MYLK: variants seen among roughly 807,000 people sequenced by gnomAD.
MYLK encodes the protein myosin light chain kinase, smooth muscle.
In MYLK, 106 loss-of-function variants were observed where a neutral mutation model predicts 203.4. That is an observed-to-expected ratio of 0.52 (90% confidence interval 0.45 to 0.61). The LOEUF (loss-of-function observed/expected upper bound fraction) is 0.61, where lower values mean the gene tolerates loss of function less well. Ranked by LOEUF, MYLK falls within the 20% of genes least tolerant of loss-of-function variation. The probability of loss-of-function intolerance (pLI) is 0.00; values close to 1 mark genes in which losing one functional copy is unlikely to be tolerated. For missense variants in MYLK, 2,072 were observed against 2,442.3 expected (o/e 0.85, Z 3.20); for synonymous variants, 867 against 959.5 (o/e 0.90, Z 1.78).
intron 13 of MYLK, among the ~76,000 whole-genome samples, chr3:123,717,787 T>G (rs1307607712): frequency 6.6e-6 from 1 of 151,906 alleles, no homozygotes; most frequent in Non-Finnish European, 1.5e-5. Context: ...TATTGGGGAA[T>G]TTTTTTTCCC....
chr3:123,819,241 G>A (rs2065842660), intron 3 of MYLK, among the ~76,000 whole-genome samples: 1 of 152,178 alleles, frequency 6.6e-6, no homozygotes, highest in South Asian at 2.1e-4. Context: ...ATAGCAAACA[G>A]CCTTCAAAGA....
chr3:123,620,488 G>T, intron 31 of MYLK, 152 bp from the exon 32 acceptor site: 1 of 1,552,208 alleles, frequency 6.4e-7, no homozygotes, highest in South Asian at 1.2e-5. Context: ...CCAGAGGAGC[G>T]AACCCAACCT....
chr3:123,789,227 C>G (rs577136440), intron 4 of MYLK, among the ~76,000 whole-genome samples: 1 of 152,214 alleles, frequency 6.6e-6, no homozygotes, highest in South Asian at 2.1e-4. Context: ...CTCGCCCCAC[C>G]CTACTTACAT....
At chr3:123,807,095 C>A (rs1388375463) in intron 3 of MYLK, among the ~76,000 whole-genome samples, 1 of 152,156 alleles carries the variant, frequency 6.6e-6, no homozygotes, top group Non-Finnish European at 1.5e-5. Flanking sequence ...AACTTCAAAT[C>A]CAACTTGGCA....
chr3:123,794,025 A>G, intron 3 of MYLK, 181 bp from the exon 4 acceptor site: 2 of 702,812 alleles, frequency 2.8e-6, no homozygotes, highest in South Asian at 1.7e-5. Flanking sequence ...TTATACACAA[A>G]GTGCCAGGAC....
Position 123,734,139 on chromosome 3 carries a change from T to C in MYLK, c.857A>G (p.Asp286Gly), listed in dbSNP as rs2062593840. The change falls in exon 10 of 34, where the codon GAC becomes GGC. Residue 286 changes from aspartate to glycine, a missense_variant. Around this residue, in one of 3 missense-constraint regions of MYLK, gnomAD observed 683 missense variants for 643.8 expected, o/e 1.06. Coordinates refer to ENST00000360304, the MANE Select transcript of MYLK (RefSeq NM_053025.4). ...GCTTTTGGCTGCAGCCTCCAGACTG[T>C]CCAGCTTCGACTCCTTTGAGATTAC... ...TNVISKESKL[D>G]SLEAAAKSKN... The C allele has an allele frequency of 6.3e-7, 1 of 1,580,914 alleles. No homozygotes were observed.
intron 24 of MYLK, among the ~76,000 whole-genome samples, chr3:123,650,993 G>A (rs2108217724): frequency 6.6e-6 from 1 of 152,346 alleles, no homozygotes; most frequent in African/African-American, 2.4e-5. Context: ...TAGCTGTTGA[G>A]AGCGCCCTGG....
intron 2 of MYLK, among the ~76,000 whole-genome samples, chr3:123,849,708 CTT>C (rs113330046): frequency 1.2e-4 from 19 of 152,118 alleles, no homozygotes; most frequent in African/African-American, 4.6e-4. Flanking sequence ...CTTGCAGTAA[CTT>C]AAGAGATTTT....
At chr3:123,702,543 G>A (rs2061285097) in intron 16 of MYLK, among the ~76,000 whole-genome samples, 3 of 152,294 alleles carry the variant, frequency 2.0e-5, no homozygotes, top group Admixed American at 2.0e-4. Flanking sequence ...CATGCCCCTG[G>A]ATGTGGCCGT....
intron 33 of MYLK, 105 bp downstream of exon 33, chr3:123,618,534 G>A: frequency 6.6e-7 from 1 of 1,515,542 alleles, no homozygotes; most frequent in Non-Finnish European, 9.1e-7. Context: ...GTTCCTCATT[G>A]TCCCCAGCTG....
chr3:123,731,492 G>C (rs138560926), intron 11 of MYLK, among the ~76,000 whole-genome samples: 3 of 152,074 alleles, frequency 2.0e-5, no homozygotes, highest in African/African-American at 4.8e-5. Flanking sequence ...ACATGTTTTA[G>C]CATCAGTCTA....
intron 12 of MYLK, 57 bp from the exon 13 acceptor site, chr3:123,722,337 G>A: frequency 1.3e-6 from 2 of 1,511,168 alleles, no homozygotes; most frequent in Non-Finnish European, 1.8e-6. Context: ...AGGGACGGGA[G>A]CCCTGTCCTC....
chr3:123,641,874 A>G (rs1208819152), intron 27 of MYLK, among the ~76,000 whole-genome samples: 1 of 134,386 alleles, frequency 7.4e-6, no homozygotes, highest in Non-Finnish European at 1.5e-5. Context: ...TTCGCTTTTG[A>G]GACAGGGTCT....
chr3:123,759,402 C>T (rs1165122097), intron 4 of MYLK, among the ~76,000 whole-genome samples: 3 of 152,168 alleles, frequency 2.0e-5, no homozygotes, highest in Non-Finnish European at 2.9e-5. Context: ...GTTTCTGCTA[C>T]CAAATAGAGA....
chr3:123,724,944 C>A (rs537087494), intron 12 of MYLK, among the ~76,000 whole-genome samples: 1 of 151,990 alleles, frequency 6.6e-6, no homozygotes, highest in South Asian at 2.1e-4. Flanking sequence ...GGGGTCTCAT[C>A]ATGTTGGCCA....
intron 3 of MYLK, among the ~76,000 whole-genome samples, chr3:123,820,662 C>CCTT: frequency 7.3e-5 from 11 of 150,730 alleles, no homozygotes; most frequent in Admixed American, 2.6e-4. Flanking sequence ...TTCCTTCCTT[C>CCTT]CCTCCTTCCT....
rs932429758 is a variant in MYLK, at chr3:123,629,371, C to T, written c.5114+103G>A. The T allele has an allele frequency of 2.4e-5, 34 of 1,394,050 alleles. No individual in the cohort carries two copies. Among genetic ancestry groups the T allele is most frequent in the South Asian group, 3.6e-5 (3 of 83,856 alleles). 86.4% of individuals were successfully genotyped at this position (1,394,050 alleles called of 1,614,324 possible). A position where few individuals can be genotyped will look rare whatever the true frequency, so the allele number is the denominator to read the frequency against. On this transcript the variant is annotated intron_variant, in intron 30 of 33. Transcript: ENST00000360304. The surrounding 1 kb of genome is among the most constrained non-coding windows in gnomAD (Gnocchi z 4.4). ...AGGGAATGCTAGGAACGACCCAAGG[C>T]GGGGTGGCAAGGAGGGCACCCCAAC...
At chr3:123,661,459 G>A (rs1157165068) in intron 23 of MYLK, among the ~76,000 whole-genome samples, 1 of 152,140 alleles carries the variant, frequency 6.6e-6, no homozygotes, top group Non-Finnish European at 1.5e-5. Context: ...CTCCTTGGGA[G>A]GAAATTATTC....
rs1222658615 is a variant in MYLK, at chr3:123,797,592, G to C, written c.-3-3748C>G. Among the ~76,000 whole-genome samples the C allele has an allele frequency of 2.6e-5, 4 of 151,998 alleles. No homozygotes were observed. The South Asian group carries it at 6.2e-4, about 24-fold the overall frequency. On this transcript the variant is annotated intron_variant, in intron 3 of 33. Transcript: ENST00000360304. Reference sequence around the variant, plus strand: ...TGATACACTGTGCAGCCAGGACCGGGTAGAGACTTGGGATGAAGGTGGGGA... The same window carrying C: ...TGATACACTGTGCAGCCAGGACCGGCTAGAGACTTGGGATGAAGGTGGGGA...
Sources: gnomAD v4.1 joint callset for allele counts (sites outside exome capture counted in the v4.1 genomes callset) on GRCh38, gnomAD v4.1.1 for gene constraint, gnomAD v4.1.1 regional missense constraint, Gnocchi (gnomAD v3.1) non-coding constraint, MANE v1.5 for transcripts, NCBI Gene and HGNC (gene_info 2026-07-23, HGNC 2026-07-21) for gene names.